KALRN: variants seen among roughly 807,000 people sequenced by gnomAD.
KALRN encodes the protein kalirin.
Under a neutral mutation model 353.7 loss-of-function variants are expected in KALRN, and 70 were observed. That is an observed-to-expected ratio of 0.20 (90% CI 0.16 to 0.24). The LOEUF is 0.24. Ranked by LOEUF, KALRN falls within the 10% of genes least tolerant of loss-of-function variation. The pLI, the probability that KALRN is intolerant of heterozygous loss-of-function variation, is 1.00. For missense variants in KALRN, 2,791 were observed against 3,756.7 expected (o/e 0.74, Z 6.72); for synonymous variants, 1,391 against 1,434.8 (o/e 0.97, Z 0.69).
At chr3:124,160,637 G>A (rs1395993995) in intron 1 of KALRN, among the ~76,000 whole-genome samples, 1 of 152,158 alleles carries the variant, frequency 6.6e-6, no homozygotes, top group Admixed American at 6.5e-5. Context: ...ATCAGGCAGA[G>A]GGTGGGGTAA....
intron 8 of KALRN, among the ~76,000 whole-genome samples, 177 bp downstream of exon 8, chr3:124,330,169 G>A (rs1284027168): frequency 6.6e-6 from 1 of 151,666 alleles, no homozygotes. Flanking sequence ...GGTGTCTCCA[G>A]CCAGGAAGCA....
At chr3:124,158,882 T>C (rs2149996947) in intron 1 of KALRN, among the ~76,000 whole-genome samples, 1 of 152,300 alleles carries the variant, frequency 6.6e-6, no homozygotes, top group African/African-American at 2.4e-5. Flanking sequence ...CCCTAGTCCA[T>C]GATGCACACC....
chr3:124,092,622 GC>G (rs1450418487), intron 1 of KALRN, among the ~76,000 whole-genome samples: 1 of 152,228 alleles, frequency 6.6e-6, no homozygotes, highest in African/African-American at 2.4e-5. Flanking sequence ...TACTGTGAGG[GC>G]TCCCGTATCT....
intron 10 of KALRN, among the ~76,000 whole-genome samples, chr3:124,378,695 T>TTG (rs2086916152): frequency 3.3e-5 from 5 of 150,524 alleles, no homozygotes; most frequent in African/African-American, 1.2e-4. Flanking sequence ...TTTTTTTTTT[T>TTG]ATTTGTTTTG....
chr3:124,042,454 A>G lies in KALRN; in HGVS notation c.73+8641A>G, dbSNP rs558435217. Among the ~76,000 whole-genome samples the G allele has an allele frequency of 3.7e-4, 56 of 152,138 alleles. 1 individual carries two copies. The South Asian group carries it at 0.012, about 32-fold the overall frequency. ...GTAGGGGAGGGACTGTTGGTTGGGG[A>G]TGGGTTAGAAGATCACTGTGATAGG... On this transcript the variant is annotated intron_variant, in intron 1 of 59. Transcript: ENST00000682506.
intron 1 of KALRN, among the ~76,000 whole-genome samples, chr3:124,061,489 T>G (rs1289946663): frequency 6.6e-6 from 1 of 152,196 alleles, no homozygotes; most frequent in Non-Finnish European, 1.5e-5. Context: ...CATCCAGCTT[T>G]TGTTCATAAC....
intron 1 of KALRN, among the ~76,000 whole-genome samples, chr3:124,189,522 G>T (rs2074638644): frequency 6.6e-6 from 1 of 152,144 alleles, no homozygotes; most frequent in South Asian, 2.1e-4. Context: ...AACATAGAGG[G>T]CCAAGCAAGG....
At chr3:124,496,517 C>T (rs760453159) in intron 33 of KALRN, 104 bp downstream of exon 33, 37 of 809,900 alleles carry the variant, frequency 4.6e-5, no homozygotes, top group Admixed American at 7.9e-5. Context: ...ATCCTACCTT[C>T]AGGAGCCAGT....
intron 3 of KALRN, among the ~76,000 whole-genome samples, chr3:124,257,935 G>A (rs1483661814): frequency 6.6e-6 from 1 of 152,180 alleles, no homozygotes; most frequent in African/African-American, 2.4e-5. Context: ...TTCTGCCCTT[G>A]AAAGTTTGAT....
At chr3:124,320,396 C>T (rs2079205940) in intron 6 of KALRN, among the ~76,000 whole-genome samples, 1 of 152,206 alleles carries the variant, frequency 6.6e-6, no homozygotes, top group Admixed American at 6.5e-5. Flanking sequence ...TCCCTGTGCT[C>T]AGGACTTGTT....
At chr3:124,681,560 A>C (rs1311951543) in intron 51 of KALRN, among the ~76,000 whole-genome samples, 2 of 152,000 alleles carry the variant, frequency 1.3e-5, no homozygotes, top group African/African-American at 4.8e-5. Context: ...GGAAGCAGCA[A>C]TATCCCCAGT....
At chr3:124,308,299 T>C (rs2077904784) in intron 6 of KALRN, among the ~76,000 whole-genome samples, 3 of 151,794 alleles carry the variant, frequency 2.0e-5, no homozygotes. Context: ...AACAAAGAAA[T>C]AGAAGACTAT....
At chr3:124,273,572 C>A (rs1178487080) in intron 5 of KALRN, among the ~76,000 whole-genome samples, 1 of 152,174 alleles carries the variant, frequency 6.6e-6, no homozygotes, top group Non-Finnish European at 1.5e-5. Context: ...AGGTAATAGA[C>A]ATAGCCATAC....
intron 5 of KALRN, among the ~76,000 whole-genome samples, chr3:124,271,311 G>T (rs2074141462): frequency 6.6e-6 from 1 of 152,098 alleles, no homozygotes; most frequent in African/African-American, 2.4e-5. Flanking sequence ...GCACTTCATG[G>T]TATCCCTCAG....
intron 1 of KALRN, among the ~76,000 whole-genome samples, chr3:124,179,147 G>A (rs2073203732): frequency 6.6e-6 from 1 of 151,926 alleles, no homozygotes; most frequent in Non-Finnish European, 1.5e-5. Context: ...TTTAACCTTA[G>A]GTTATTGTAA....
chr3:124,052,210 A>G (rs2041108266), intron 1 of KALRN, among the ~76,000 whole-genome samples: 1 of 152,216 alleles, frequency 6.6e-6, no homozygotes, highest in Admixed American at 6.5e-5. Flanking sequence ...TATGGTGAAC[A>G]GGGGCACTAG....
chr3:124,219,755 G>A lies in KALRN; in HGVS notation c.74-8235G>A, dbSNP rs563700621. Among the ~76,000 whole-genome samples the A allele has an allele frequency of 2.0e-5, 3 of 152,208 alleles. No individual in the cohort carries two copies. The South Asian group carries it at 6.2e-4, about 32-fold the overall frequency. ...GATGTTTGTGGGTGACAGCGATGAA[G>A]GAAGACTGTGGGGGGTTGGCCCCAC... is the stretch of plus-strand genomic sequence containing the variant. On this transcript the variant is annotated intron_variant, in intron 1 of 59. Transcript: ENST00000682506.
At chr3:124,665,099 A>T (rs942573515) in intron 45 of KALRN, among the ~76,000 whole-genome samples, 22 of 152,288 alleles carry the variant, frequency 1.4e-4, no homozygotes, top group Middle Eastern at 6.8e-3. Context: ...ACAAAAGAAA[A>T]ATGACCCCTC....
At chr3:124,256,761 A>C (rs911664868) in intron 3 of KALRN, among the ~76,000 whole-genome samples, 2 of 152,174 alleles carry the variant, frequency 1.3e-5, no homozygotes, top group Non-Finnish European at 2.9e-5. Flanking sequence ...ACATGCACCT[A>C]GAGAGACACC....
Sources: allele counts gnomAD v4.1 joint callset (sites outside exome capture counted in the v4.1 genomes callset), GRCh38; gene constraint gnomAD v4.1.1; transcripts MANE v1.5; gene names NCBI Gene and HGNC (gene_info 2026-07-23, HGNC 2026-07-21).